The following TAMM41 variants were observed in gnomAD, a reference collection of about 807,000 sequenced individuals.
TAMM41 encodes phosphatidate cytidylyltransferase, mitochondrial.
Under a neutral mutation model 44.1 loss-of-function variants are expected in TAMM41, and 36 were observed. That is an observed-to-expected ratio of 0.82 (90% confidence interval 0.63 to 1.08). The LOEUF (loss-of-function observed/expected upper bound fraction) is 1.08. Among genes scored for constraint, TAMM41 ranks in the 50% least tolerant of loss-of-function variants. TAMM41 has a pLI of 0.00. For missense variants in TAMM41, 417 were observed against 404.3 expected, an observed-to-expected ratio of 1.03 and a Z score of -0.27; for synonymous variants, 164 against 153.1, an observed-to-expected ratio of 1.07 and a Z score of -0.53.
chr3:11,821,455 C>T (rs1419493318), intron 4 of TAMM41, among the ~76,000 whole-genome samples: 3 of 152,158 alleles, frequency 2.0e-5, no homozygotes, highest in Non-Finnish European at 4.4e-5. Context: ...AAGAATCCAA[C>T]GCAGCTGCTG....
chr3:11,788,676 C>T (rs2077431289), downstream of TAMM41, among the ~76,000 whole-genome samples: 3 of 152,172 alleles, frequency 2.0e-5, no homozygotes, highest in South Asian at 6.2e-4. Context: ...TGGCTCACGC[C>T]TGTAATCCCA....
At chr3:11,834,159 G>T (rs1326559893) in intron 3 of TAMM41, among the ~76,000 whole-genome samples, 1 of 152,086 alleles carries the variant, frequency 6.6e-6, no homozygotes, top group Non-Finnish European at 1.5e-5. Flanking sequence ...TGGGAGGATT[G>T]GTTGAGCCCG....
intron 2 of TAMM41, chr3:11,843,827 T>G: frequency 1.7e-6 from 1 of 574,942 alleles, no homozygotes; most frequent in Non-Finnish European, 3.0e-6. Flanking sequence ...TGTCCCCAAG[T>G]TCAAGACGTC....
chr3:11,790,051 G>T (rs1410265908), downstream of TAMM41, among the ~76,000 whole-genome samples: 3 of 152,138 alleles, frequency 2.0e-5, no homozygotes, highest in Admixed American at 1.3e-4. Context: ...CACACGAAAA[G>T]CCTAGATCCA....
chr3:11,725,292 TCTTCTCCTCCTCCTTTTTTTCTTCTC>T, the TAMM41 span, among the ~76,000 whole-genome samples: 22,102 of 138,968 alleles, frequency 0.16, 2,145 homozygotes, highest in East Asian at 0.45. Context: ...TCCTTCTCCT[TCTTCTCCTCCTCCTTTTTTTCTTCTC>T]CTCCTCCTCC....
the TAMM41 span, among the ~76,000 whole-genome samples, chr3:11,770,451 G>C: frequency 6.6e-6 from 1 of 152,200 alleles, no homozygotes; most frequent in Non-Finnish European, 1.5e-5. Context: ...TCTCAACTGG[G>C]ATTTCTCCCA....
chr3:11,774,648 T>C, the TAMM41 span, among the ~76,000 whole-genome samples: 1 of 149,908 alleles, frequency 6.7e-6, no homozygotes, highest in Non-Finnish European at 1.5e-5. Context: ...ACAACAGAAA[T>C]GTATTTCTCA....
chr3:11,839,456 A>G, intron 2 of TAMM41, 142 bp from the exon 3 acceptor site: 1 of 583,188 alleles, frequency 1.7e-6, no homozygotes, highest in Non-Finnish European at 3.0e-6. Context: ...CTGACTTGTG[A>G]AAACACACAT....
intron 4 of TAMM41, among the ~76,000 whole-genome samples, chr3:11,829,293 C>T (rs751347934): frequency 2.4e-4 from 36 of 152,082 alleles, no homozygotes; most frequent in Non-Finnish European, 4.3e-4. Context: ...GTAGGGCCCA[C>T]GAGTCTGTGT....
intron 7 of TAMM41, among the ~76,000 whole-genome samples, chr3:11,803,663 G>T (rs2077819946): frequency 6.6e-6 from 1 of 152,162 alleles, no homozygotes; most frequent in South Asian, 2.1e-4. Context: ...CAATGATATG[G>T]AATTAACCAA....
chr3:11,764,483 A>ATTTTTTTTTT, the TAMM41 span, among the ~76,000 whole-genome samples: 15 of 86,314 alleles, frequency 1.7e-4, no homozygotes, highest in Non-Finnish European at 2.3e-4. Flanking sequence ...CCATAATCTT[A>ATTTTTTTTTT]TTCTTTTTTT....
chr3:11,767,155 G>A, the TAMM41 span, among the ~76,000 whole-genome samples: 4 of 151,974 alleles, frequency 2.6e-5, no homozygotes, highest in South Asian at 2.1e-4. Context: ...TGCAACCTCC[G>A]CCCTCTGGGT....
intron 3 of TAMM41, among the ~76,000 whole-genome samples, chr3:11,832,034 C>T (rs137927709): frequency 1.3e-5 from 2 of 152,300 alleles, no homozygotes; most frequent in East Asian, 3.9e-4. Context: ...CAACAAAAAT[C>T]AGGATCACAT....
At chr3:11,725,158 TCTC>T in the TAMM41 span, among the ~76,000 whole-genome samples, 1 of 136,206 alleles carries the variant, frequency 7.3e-6, no homozygotes, top group Non-Finnish European at 1.6e-5. Flanking sequence ...TCCTTCCTCT[TCTC>T]CTCCCTCCTT....
the TAMM41 span, among the ~76,000 whole-genome samples, chr3:11,729,942 A>G: frequency 2.0e-4 from 31 of 152,194 alleles, no homozygotes; most frequent in South Asian, 4.1e-4. Context: ...TATGCAGATG[A>G]GAAAACAGGG....
At chr3:11,759,290 A>G in the TAMM41 span, among the ~76,000 whole-genome samples, 2 of 152,062 alleles carry the variant, frequency 1.3e-5, no homozygotes, top group Non-Finnish European at 2.9e-5. Flanking sequence ...CGGGTGATCA[A>G]CGGCACATCC....
At chr3:11,774,634 A>T in the TAMM41 span, among the ~76,000 whole-genome samples, 2 of 149,966 alleles carry the variant, frequency 1.3e-5, no homozygotes, top group African/African-American at 5.1e-5. Context: ...TGGGTGGCTT[A>T]TAAACAACAG....
At chr3:11,807,279 TAGG>T (rs1575626126) in intron 7 of TAMM41, 2 of 1,437,402 alleles carry the variant, frequency 1.4e-6, no homozygotes, top group Non-Finnish European at 1.8e-6. Flanking sequence ...ACAACTATAT[TAGG>T]AGGACAGAGG....
At chr3:11,809,371 C>A in intron 6 of TAMM41, 146 bp downstream of exon 6, 2 of 874,308 alleles carry the variant, frequency 2.3e-6, no homozygotes, top group East Asian at 2.8e-5. Flanking sequence ...TTTAGAAAAC[C>A]CTCAAATTTT....
Sources: allele counts gnomAD v4.1 joint callset (sites outside exome capture counted in the v4.1 genomes callset), GRCh38; gene constraint gnomAD v4.1.1; transcripts MANE v1.5; gene names NCBI Gene and HGNC (gene_info 2026-07-23, HGNC 2026-07-21).